Variants in TBC1D5 observed in about 807,000 individuals in gnomAD.
The protein encoded by TBC1D5 is TBC1 domain family member 5.
In TBC1D5, 75 loss-of-function variants were observed where a neutral mutation model predicts 100.3. The ratio of observed to expected loss-of-function variants is 0.75; its 90% confidence interval spans 0.62 to 0.91. The LOEUF is 0.91. TBC1D5 is among the 40% of genes least tolerant of loss of function. The pLI is 0.00. For missense variants in TBC1D5, 910 were observed against 942.4 expected (o/e 0.97, Z 0.45); for synonymous variants, 323 against 325.6 (o/e 0.99, Z 0.09).
chr3:17,689,303 G>A (rs776660355), intron 1 of TBC1D5, among the ~76,000 whole-genome samples: 2 of 152,090 alleles, frequency 1.3e-5, no homozygotes, highest in Non-Finnish European at 2.9e-5. Flanking sequence ...ACTTTGGGAG[G>A]CCAAAGTGGG....
chr3:17,459,761 G>A lies in TBC1D5; in HGVS notation c.98-31242C>T, dbSNP rs894591859. Among the ~76,000 whole-genome samples the A allele has an allele frequency of 6.6e-5, 10 of 151,912 alleles. 1 individual carries two copies. In the South Asian group the frequency reaches 2.1e-3, roughly 32 times the overall value. On this transcript the variant is annotated intron_variant, in intron 3 of 21. Transcript: ENST00000253692. ...AGGAAAAAAAAAAAAAAGATTTACA[G>A]CCTGAGTTAATGATTATTCACTGTT... is the stretch of plus-strand genomic sequence containing the variant.
At chr3:17,705,424 G>C (rs912325972) in intron 1 of TBC1D5, among the ~76,000 whole-genome samples, 3 of 145,806 alleles carry the variant, frequency 2.1e-5, no homozygotes, top group East Asian at 2.2e-4. Context: ...GGTGGCTGCC[G>C]GGCGGAGAGG....
chr3:17,237,501 T>C (rs971632207), intron 17 of TBC1D5, among the ~76,000 whole-genome samples: 2 of 152,188 alleles, frequency 1.3e-5, no homozygotes, highest in Admixed American at 6.5e-5. Context: ...AGAAATTAGC[T>C]TACCTGAGTC....
At chr3:17,534,537 C>A (rs974643707) in intron 2 of TBC1D5, among the ~76,000 whole-genome samples, 4 of 152,156 alleles carry the variant, frequency 2.6e-5, no homozygotes, top group African/African-American at 9.6e-5. Flanking sequence ...CCACAAGATA[C>A]TGGTTTTCTC....
chr3:17,499,540 C>G (rs1397360193), intron 3 of TBC1D5, among the ~76,000 whole-genome samples: 1 of 148,632 alleles, frequency 6.7e-6, no homozygotes, highest in Non-Finnish European at 1.5e-5. Flanking sequence ...CTAAAAAATA[C>G]AAAAATTTGC....
In TBC1D5 at chr3:17,404,685, G is replaced by T; in HGVS notation, c.441+9C>A. ...AAGAGGTTAAGACATGAACAAAGAC[G>T]AACTTTACCCCTTCATCCTGTGAAA... On this transcript the variant is annotated intron_variant, in intron 7 of 21. Coordinates refer to ENST00000253692, the Ensembl canonical transcript of TBC1D5. The T allele has an allele frequency of 6.3e-7, 1 of 1,589,140 alleles. No homozygotes were observed. The highest frequency in any genetic ancestry group is 1.2e-5 in the South Asian group (1 of 86,460).
At chr3:17,245,735 T>A (rs1016398668) in intron 16 of TBC1D5, among the ~76,000 whole-genome samples, 1 of 152,216 alleles carries the variant, frequency 6.6e-6, no homozygotes, top group East Asian at 1.9e-4. Flanking sequence ...AAGATATACA[T>A]ATAGGAAAAG....
intron 19 of TBC1D5, among the ~76,000 whole-genome samples, chr3:17,178,813 A>AT (rs201578956): frequency 0.041 from 6,061 of 146,498 alleles, 225 homozygotes; most frequent in East Asian, 0.21. Context: ...CTAATTTTTA[A>AT]TTTTTTTTTT....
intron 16 of TBC1D5, among the ~76,000 whole-genome samples, chr3:17,251,441 T>G (rs62245860): frequency 1.8e-5 from 2 of 114,068 alleles, no homozygotes; most frequent in African/African-American, 3.0e-5. Flanking sequence ...CCCCCCCCAG[T>G]AGAAGCGATT....
intron 3 of TBC1D5, among the ~76,000 whole-genome samples, chr3:17,438,367 T>C (rs947629737): frequency 1.1e-4 from 16 of 152,194 alleles, no homozygotes; most frequent in Non-Finnish European, 2.1e-4. Context: ...TCATCTTGAA[T>C]TGTAGTTCCC....
At chr3:17,302,770 A>G (rs1417540423) in intron 14 of TBC1D5, among the ~76,000 whole-genome samples, 2 of 152,148 alleles carry the variant, frequency 1.3e-5, no homozygotes, top group Admixed American at 1.3e-4. Context: ...CTCAGATGAA[A>G]CATCCTCTGA....
At position 17,580,006 on chromosome 3, in the gene TBC1D5, T is replaced by C. The variant is rs192699414; in HGVS notation, c.-36+43843A>G. Among the ~76,000 whole-genome samples, 312 of 152,198 alleles carry C rather than the reference T, an allele frequency of 2.0e-3. 6 individuals are homozygous for C. The South Asian group carries it at 0.047, about 23-fold the overall frequency. On this transcript the variant is annotated intron_variant, in intron 2 of 21. Coordinates refer to ENST00000253692, the Ensembl canonical transcript of TBC1D5. ...GAGAAATATGAATCATAAAGAACAA[T>C]AGACACTTGGCATCCGTAGATTTTT...
chr3:17,486,733 T>C (rs185367190), intron 3 of TBC1D5, among the ~76,000 whole-genome samples: 1 of 152,288 alleles, frequency 6.6e-6, no homozygotes, highest in Non-Finnish European at 1.5e-5. Flanking sequence ...GTAGCCCACC[T>C]AGCATCTTCA....
chr3:17,683,195 T>C (rs2069740807), intron 1 of TBC1D5, among the ~76,000 whole-genome samples: 1 of 151,584 alleles, frequency 6.6e-6, no homozygotes, highest in Non-Finnish European at 1.5e-5. Context: ...GGATTAATAG[T>C]GTTTGTGGTC....
Position 17,201,423 on chromosome 3 carries a change from A to T in TBC1D5, c.1752+12784T>A, listed in dbSNP as rs550994205. Among the ~76,000 whole-genome samples the T allele has an allele frequency of 1.6e-3, 249 of 152,268 alleles. 2 individuals are homozygous for T. Among genetic ancestry groups the T allele is most frequent in the African/African-American group, 5.8e-3 (240 of 41,538 alleles). ...ATACTTCCAGGTGTATTAATTTCTG[A>T]CACATGGACAACTTGGGGCAGAAAG... On this transcript the variant is annotated intron_variant, in intron 18 of 21. Coordinates refer to ENST00000253692, the Ensembl canonical transcript of TBC1D5.
At chr3:17,695,283 T>C (rs1207220499) in intron 1 of TBC1D5, among the ~76,000 whole-genome samples, 2 of 152,146 alleles carry the variant, frequency 1.3e-5, no homozygotes, top group African/African-American at 2.4e-5. Flanking sequence ...AATGCCCCAA[T>C]TAAAAGACGC....
At chr3:17,571,623 T>C (rs919760741) in intron 2 of TBC1D5, among the ~76,000 whole-genome samples, 8 of 152,042 alleles carry the variant, frequency 5.3e-5, no homozygotes, top group Non-Finnish European at 1.5e-5. Flanking sequence ...GCTCTCTCTT[T>C]CTCTGTGTTA....
At chr3:17,241,424 T>C (rs1449282269) in intron 16 of TBC1D5, among the ~76,000 whole-genome samples, 1 of 152,136 alleles carries the variant, frequency 6.6e-6, no homozygotes, top group Admixed American at 6.6e-5. Flanking sequence ...CAAGAGGAAT[T>C]TGGAGTTAAC....
At chr3:17,710,910 G>A (rs1398843188) in intron 1 of TBC1D5, among the ~76,000 whole-genome samples, 1 of 151,982 alleles carries the variant, frequency 6.6e-6, no homozygotes, top group Non-Finnish European at 1.5e-5. Context: ...GTTGAGTTAG[G>A]CTGGTCTCAA....
Sources: allele counts gnomAD v4.1 joint callset (sites outside exome capture counted in the v4.1 genomes callset), GRCh38; gene constraint gnomAD v4.1.1; transcripts MANE v1.5; gene names NCBI Gene and HGNC (gene_info 2026-07-23, HGNC 2026-07-21).